ATP8B4: variants seen among roughly 807,000 people sequenced by gnomAD.
ATP8B4 encodes the protein ATPase phospholipid transporting 8B4 (putative), also known as probable phospholipid-transporting ATPase IM.
ATP8B4 carries 133 observed loss-of-function variants against 145.6 expected under a neutral mutation model. The observed-to-expected ratio is 0.91, with a 90% confidence interval of 0.79 to 1.05. The LOEUF is 1.05. ATP8B4 is among the 50% of genes least tolerant of loss of function. ATP8B4 has a pLI of 0.00. For missense variants in ATP8B4, 1,458 were observed against 1,425.2 expected (o/e 1.02, Z -0.37); for synonymous variants, 507 against 492.9 (o/e 1.03, Z -0.38).
chr15:49,922,268 A>G, intron 17 of ATP8B4: 1 of 201,778 alleles, frequency 5.0e-6, no homozygotes, highest in South Asian at 6.1e-5. Flanking sequence ...AGACCAAATT[A>G]GGTTTCCTAT....
intron 6 of ATP8B4, among the ~76,000 whole-genome samples, chr15:50,014,052 C>CAAAAGAGGGG (rs1485531452): frequency 6.6e-6 from 1 of 152,124 alleles, no homozygotes; most frequent in Non-Finnish European, 1.5e-5. Context: ...GCTTGAGAAA[C>CAAAAGAGGGG]AAAAGAGGGG....
chr15:49,964,818 T>A (rs1719173787), intron 13 of ATP8B4, among the ~76,000 whole-genome samples: 1 of 152,180 alleles, frequency 6.6e-6, no homozygotes, highest in Non-Finnish European at 1.5e-5. Context: ...AACAAATGAA[T>A]CCTGGTCCAC....
chr15:50,128,866 G>A (rs796967413), intron 1 of ATP8B4, among the ~76,000 whole-genome samples: 7 of 152,100 alleles, frequency 4.6e-5, no homozygotes, highest in Admixed American at 2.6e-4. Flanking sequence ...TCAGGAGTTC[G>A]AGACCAGACT....
Position 50,158,353 on chromosome 15 carries a change from C to A in ATP8B4, c.-43+23908G>T, listed in dbSNP as rs370547422. 2.3e-3 allele frequency among the ~76,000 whole-genome samples: 337 copies of A among 146,052 alleles called. 6 individuals carry two copies. In the East Asian group the frequency reaches 0.057, roughly 25 times the overall value. Reference sequence around the variant, plus strand: ...GCCACCCCGTCTGGGAAGTGAGGAGCGTCTCCGCCCGGCAGCCACCCCATC... The same window carrying A: ...GCCACCCCGTCTGGGAAGTGAGGAGAGTCTCCGCCCGGCAGCCACCCCATC... On this transcript the variant is annotated intron_variant, in intron 1 of 3. Coordinates refer to the ATP8B4 transcript ENST00000558829.
chr15:50,054,218 G>A (rs1308104550), intron 3 of ATP8B4, among the ~76,000 whole-genome samples: 9 of 152,126 alleles, frequency 5.9e-5, no homozygotes, highest in Non-Finnish European at 1.3e-4. Context: ...TGCCCAACAT[G>A]AGTCTCCTCA....
At chr15:49,971,420 A>G (rs2045117396) in intron 13 of ATP8B4, among the ~76,000 whole-genome samples, 1 of 152,198 alleles carries the variant, frequency 6.6e-6, no homozygotes. Context: ...AAACAAATTT[A>G]CAAGATAAAA....
At chr15:49,891,216 C>T (rs939098692) in intron 23 of ATP8B4, among the ~76,000 whole-genome samples, 3 of 151,872 alleles carry the variant, frequency 2.0e-5, no homozygotes, top group African/African-American at 7.3e-5. Context: ...CACTTGCTTG[C>T]AGACTAATTG....
intron 23 of ATP8B4, chr15:49,896,449 A>G (rs1268015570): frequency 6.6e-6 from 1 of 152,242 alleles, no homozygotes; most frequent in Non-Finnish European, 1.5e-5. Flanking sequence ...ATGATTTTTT[A>G]AAAATCACCT....
At chr15:49,953,335 G>C (rs1271553993) in intron 14 of ATP8B4, among the ~76,000 whole-genome samples, 1 of 152,188 alleles carries the variant, frequency 6.6e-6, no homozygotes, top group African/African-American at 2.4e-5. Flanking sequence ...CTGGTGCGCA[G>C]AGACTGCGGC....
At chr15:49,939,449 G>C (rs1025071416) in intron 14 of ATP8B4, among the ~76,000 whole-genome samples, 1 of 151,982 alleles carries the variant, frequency 6.6e-6, no homozygotes, top group Non-Finnish European at 1.5e-5. Flanking sequence ...AAACACAAAA[G>C]ATCCTCAGAG....
At chr15:49,982,351 A>G (rs1426737168) in intron 10 of ATP8B4, 1 of 152,184 alleles carries the variant, frequency 6.6e-6, no homozygotes. Flanking sequence ...TGTATAGACC[A>G]CCCACATTTT....
chr15:50,036,560 C>T (rs1392081931), intron 6 of ATP8B4, among the ~76,000 whole-genome samples: 2 of 152,216 alleles, frequency 1.3e-5, no homozygotes, highest in South Asian at 2.1e-4. Context: ...AGCCAGTCTC[C>T]ATAGCCTGAG....
chr15:50,049,691 A>G (rs935114187), intron 3 of ATP8B4, among the ~76,000 whole-genome samples: 1 of 152,128 alleles, frequency 6.6e-6, no homozygotes, highest in Admixed American at 6.5e-5. Context: ...TGGGTCAAAT[A>G]CTAGTTCTGT....
At chr15:50,018,180 G>A (rs558478388) in intron 6 of ATP8B4, among the ~76,000 whole-genome samples, 57 of 152,076 alleles carry the variant, frequency 3.7e-4, no homozygotes, top group South Asian at 1.2e-3. Flanking sequence ...TAGAGACAGC[G>A]TTTCGCCATG....
Position 49,934,058 on chromosome 15 carries a change from A to G in ATP8B4, c.1412T>C (p.Leu471Pro), listed in dbSNP as rs987585074. The change falls in exon 15 of 28, where the codon CTT becomes CCT. Residue 471 changes from leucine (L) to proline (P), a missense_variant. Transcript: ENST00000284509. ...DPKVHEFLRL[L>P]ALCHTVMSEE... The stretch of plus-strand genomic sequence containing the variant: ...TGACATTACAGTGTGGCAGAGAGCA[A>G]GTAACCTAAGGAATTCATGAACTTT... 5 of 1,612,444 alleles carry G rather than the reference A, an allele frequency of 3.1e-6. No individual in the cohort carries two copies. The African/African-American group carries it at 6.7e-5, about 22-fold the overall frequency.
intron 19 of ATP8B4, 115 bp downstream of exon 19, chr15:49,918,724 T>G (rs1240873416): frequency 6.8e-6 from 5 of 731,996 alleles, no homozygotes; most frequent in Non-Finnish European, 1.1e-5. Flanking sequence ...AAGTCTTTCC[T>G]ATGTGGAAGA....
intron 18 of ATP8B4, 126 bp from the exon 19 acceptor site, chr15:49,919,076 T>A (rs1471927745): frequency 4.3e-6 from 3 of 700,114 alleles, no homozygotes; most frequent in Non-Finnish European, 7.0e-6. Flanking sequence ...TATGATACAT[T>A]GATATAGCAG....
intron 14 of ATP8B4, among the ~76,000 whole-genome samples, chr15:49,935,117 T>G (rs2153471533): frequency 6.6e-6 from 1 of 152,214 alleles, no homozygotes; most frequent in East Asian, 1.9e-4. Context: ...TGTTAATACC[T>G]ACAGTAAAAT....
At chr15:50,024,583 G>A (rs780690116) in intron 6 of ATP8B4, among the ~76,000 whole-genome samples, 5 of 152,122 alleles carry the variant, frequency 3.3e-5, no homozygotes, top group Admixed American at 6.5e-5. Context: ...ACTCTTCGTC[G>A]TCCAGGCAAT....
Sources: gnomAD v4.1 joint callset for allele counts (sites outside exome capture counted in the v4.1 genomes callset) on GRCh38, gnomAD v4.1.1 for gene constraint, MANE v1.5 for transcripts, NCBI Gene and HGNC (gene_info 2026-07-23, HGNC 2026-07-21) for gene names.